Variants in NHS observed in about 807,000 individuals in gnomAD.
NHS encodes NHS actin remodeling regulator.
A neutral mutation model predicts 72.5 loss-of-function variants in NHS; 5 were observed. The observed-to-expected ratio is 0.07, with a 90% CI of 0.04 to 0.14. NHS has a LOEUF of 0.14. Ranked by LOEUF, NHS falls within the 10% of genes least tolerant of loss-of-function variation. The pLI is 1.00. For synonymous variants in NHS, 464 were observed against 547.7 expected, an observed-to-expected ratio of 0.85 and a Z score of 2.13; for missense variants, 1,072 against 1,355.7, an observed-to-expected ratio of 0.79 and a Z score of 3.29.
At chrX:17,433,871 G>A (rs913844534) in intron 1 of NHS, among the ~76,000 whole-genome samples, 3 of 112,020 alleles carry the variant, frequency 2.7e-5, no homozygotes, top group Non-Finnish European at 5.6e-5. Flanking sequence ...TATTATCCAC[G>A]ATAAACTAAC....
intron 1 of NHS, among the ~76,000 whole-genome samples, chrX:17,643,772 C>T (rs1442849488): frequency 8.9e-6 from 1 of 112,084 alleles, no homozygotes; most frequent in Non-Finnish European, 1.9e-5. Flanking sequence ...ATATTTGTTT[C>T]CCAGGAGAAG....
At chrX:17,723,393 C>A (rs2066417239) in intron 5 of NHS, among the ~76,000 whole-genome samples, 1 of 111,873 alleles carries the variant, frequency 8.9e-6, no homozygotes, top group East Asian at 2.8e-4. Flanking sequence ...CTCACCTCCC[C>A]TCTCATCATT....
chrX:17,491,089 CCT>C (rs1262625068), intron 1 of NHS, among the ~76,000 whole-genome samples: 2 of 111,856 alleles, frequency 1.8e-5, no homozygotes, highest in Admixed American at 9.5e-5. Context: ...AATTTGACTT[CCT>C]CTCTTTCTAT....
chrX:17,692,210 T>C (rs1601838681), intron 2 of NHS, 125 bp from the exon 3 acceptor site: 1 of 835,637 alleles, frequency 1.2e-6, no homozygotes, highest in East Asian at 3.3e-5. Flanking sequence ...GGTATTCAAA[T>C]TAGCTAAAGT....
intron 1 of NHS, among the ~76,000 whole-genome samples, chrX:17,585,152 G>A (rs1429482789): frequency 2.7e-5 from 3 of 111,230 alleles, no homozygotes; most frequent in Non-Finnish European, 3.8e-5. Flanking sequence ...AAAGTAGCCC[G>A]TCTCCAAACT....
In NHS at chrX:17,687,745, T is replaced by C. The variant is rs2066171849; in HGVS notation, c.569T>C (p.Val190Ala). The C allele has an allele frequency of 7.4e-6, 9 of 1,209,915 alleles. No homozygotes were observed. The highest frequency in any genetic ancestry group is 1.0e-5 in the Non-Finnish European group (9 of 895,194). ...TLDPKQEAVP[V>A]SNLDIESKLS... The stretch of plus-strand genomic sequence containing the variant: ...CGCCCTGTTTCTTGTCTTGCAGCCG[T>C]CTCCAACCTGGACATAGAGAGTAAG... The change falls in exon 2 of 9, where the codon GTC becomes GCC. Residue 190 changes from valine (V) to alanine (A), a missense_variant. Physicochemically the swap from Val to Ala is moderately conservative, Grantham distance 64. Transcript: ENST00000676302.
intron 1 of NHS, among the ~76,000 whole-genome samples, chrX:17,377,359 C>A (rs1442196318): frequency 8.9e-6 from 1 of 112,873 alleles, no homozygotes; most frequent in Non-Finnish European, 1.9e-5. Flanking sequence ...AATCTGGCGA[C>A]GGCAGAATCA....
chrX:17,596,815 G>A (rs184174783), intron 1 of NHS, among the ~76,000 whole-genome samples: 7 of 111,833 alleles, frequency 6.3e-5, no homozygotes, highest in Admixed American at 1.9e-4. Context: ...TGTGTTCCAC[G>A]CAGGCATTCA....
intron 1 of NHS, among the ~76,000 whole-genome samples, chrX:17,466,661 C>T (rs185625058): frequency 6.2e-5 from 7 of 112,002 alleles, no homozygotes; most frequent in South Asian, 3.7e-4. Context: ...CCAGGAGATC[C>T]GTTATCTAAC....
At chrX:17,575,956 G>A (rs2065508436) in intron 1 of NHS, among the ~76,000 whole-genome samples, 1 of 111,686 alleles carries the variant, frequency 9.0e-6, no homozygotes, top group African/African-American at 3.3e-5. Context: ...TACCCTCCTT[G>A]GAATTTCAAC....
At chrX:17,446,946 C>A (rs1402586381) in intron 1 of NHS, among the ~76,000 whole-genome samples, 4 of 111,349 alleles carry the variant, frequency 3.6e-5, no homozygotes, top group Non-Finnish European at 5.7e-5. Context: ...TCTTAAACTT[C>A]TTTTTTTTGC....
intron 3 of NHS, among the ~76,000 whole-genome samples, chrX:17,708,070 C>T (rs189004352): frequency 2.7e-5 from 3 of 112,122 alleles, no homozygotes; most frequent in Non-Finnish European, 5.6e-5. Flanking sequence ...TAAAATAGTT[C>T]TGTCCATCCA....
intron 1 of NHS, among the ~76,000 whole-genome samples, chrX:17,471,252 G>A (rs931214519): frequency 7.2e-5 from 8 of 111,389 alleles, no homozygotes; most frequent in African/African-American, 2.6e-4. Flanking sequence ...ATTTACTTTG[G>A]TTTGTATATG....
chrX:17,594,942 G>T (rs1004851919), intron 1 of NHS, among the ~76,000 whole-genome samples: 1 of 112,186 alleles, frequency 8.9e-6, no homozygotes, highest in Non-Finnish European at 1.9e-5. Context: ...GGGAGAGGAG[G>T]AATCACCTTC....
chrX:17,541,659 C>T (rs1175343990), intron 1 of NHS, among the ~76,000 whole-genome samples: 2 of 111,100 alleles, frequency 1.8e-5, no homozygotes, highest in Non-Finnish European at 3.8e-5. Context: ...GGTCTTTCCC[C>T]CACTTCAGCT....
intron 1 of NHS, among the ~76,000 whole-genome samples, chrX:17,510,504 A>G (rs1045498738): frequency 4.4e-5 from 5 of 112,593 alleles, no homozygotes; most frequent in African/African-American, 1.6e-4. Flanking sequence ...CTAGTGAACA[A>G]TGGGGAAAGC....
intron 1 of NHS, among the ~76,000 whole-genome samples, chrX:17,588,415 CG>C (rs2065586240): frequency 1.8e-5 from 2 of 111,709 alleles, no homozygotes; most frequent in South Asian, 7.5e-4. Flanking sequence ...ATACAGTAAG[CG>C]CTGTAGTACA....
At chrX:17,436,625 AAAAG>A (rs1357472829) in intron 1 of NHS, among the ~76,000 whole-genome samples, 12 of 109,768 alleles carry the variant, frequency 1.1e-4, no homozygotes, top group Admixed American at 9.8e-4. Context: ...AAAAAAAAAA[AAAAG>A]AAAGAAATCA....
At chrX:17,657,686 T>G (rs2065963537) in intron 1 of NHS, among the ~76,000 whole-genome samples, 1 of 112,983 alleles carries the variant, frequency 8.9e-6, no homozygotes, top group Non-Finnish European at 1.9e-5. Flanking sequence ...GCTGCAAGGC[T>G]GGAGGATGGG....
Sources: allele counts gnomAD v4.1 joint callset (sites outside exome capture counted in the v4.1 genomes callset), GRCh38; gene constraint gnomAD v4.1.1; transcripts MANE v1.5; gene names NCBI Gene and HGNC (gene_info 2026-07-23, HGNC 2026-07-21).